HCN1: variants seen among roughly 807,000 people sequenced by gnomAD.
HCN1 encodes the protein potassium/sodium hyperpolarization-activated cyclic nucleotide-gated channel 1.
HCN1 carries 13 observed loss-of-function variants against 78.9 expected under a neutral mutation model. The observed-to-expected ratio is 0.16, with a 90% CI of 0.11 to 0.26. The LOEUF is 0.26. Among genes scored for constraint, HCN1 ranks in the 10% least tolerant of loss-of-function variants. The pLI, the probability that HCN1 is intolerant of heterozygous loss-of-function variation, is 1.00. For missense variants in HCN1, 810 were observed against 1,154.3 expected, an observed-to-expected ratio of 0.70 and a Z score of 4.32; for synonymous variants, 552 against 455.5, an observed-to-expected ratio of 1.21 and a Z score of -2.70.
At chr5:45,577,082 A>G (rs1743962433) in intron 2 of HCN1, among the ~76,000 whole-genome samples, 1 of 152,062 alleles carries the variant, frequency 6.6e-6, no homozygotes, top group Non-Finnish European at 1.5e-5. Flanking sequence ...GGAGTTAGCT[A>G]TTTGCTAACA....
intron 2 of HCN1, among the ~76,000 whole-genome samples, chr5:45,503,692 G>A (rs192661464): frequency 4.7e-4 from 72 of 151,824 alleles, no homozygotes; most frequent in Non-Finnish European, 9.1e-4. Context: ...ATAACCATAT[G>A]GGGCGGTGAG....
intron 3 of HCN1, among the ~76,000 whole-genome samples, chr5:45,461,343 A>C (rs1203987581): frequency 6.6e-6 from 1 of 152,054 alleles, no homozygotes; most frequent in Non-Finnish European, 1.5e-5. Flanking sequence ...CTTTTCCCCG[A>C]AGTTTTCCTT....
chr5:45,316,334 G>T (rs1397545609), intron 5 of HCN1, among the ~76,000 whole-genome samples: 1 of 152,140 alleles, frequency 6.6e-6, no homozygotes, highest in Non-Finnish European at 1.5e-5. Flanking sequence ...CTCAATAGAT[G>T]CAGAAAAGGC....
chr5:45,584,046 C>T (rs542562249), intron 2 of HCN1, among the ~76,000 whole-genome samples: 1,985 of 151,706 alleles, frequency 0.013, 31 homozygotes, highest in African/African-American at 0.032. Context: ...CTATTAGGTC[C>T]GCTTGCTGCA....
intron 4 of HCN1, among the ~76,000 whole-genome samples, chr5:45,371,528 GTGGA>G: frequency 6.6e-6 from 1 of 151,730 alleles, no homozygotes; most frequent in African/African-American, 2.4e-5. Flanking sequence ...GGAAGCCGAG[GTGGA>G]CAGATCACGA....
intron 4 of HCN1, among the ~76,000 whole-genome samples, chr5:45,364,442 A>G (rs192325427): frequency 6.6e-6 from 1 of 151,782 alleles, no homozygotes; most frequent in Non-Finnish European, 1.5e-5. Flanking sequence ...CTTCAAGTCA[A>G]TGGTCCAGCA....
intron 1 of HCN1, among the ~76,000 whole-genome samples, chr5:45,666,689 T>C (rs550962809): frequency 1.1e-4 from 16 of 152,076 alleles, no homozygotes; most frequent in Non-Finnish European, 1.0e-4. Flanking sequence ...CATCTATCTC[T>C]ACTTCCCATT....
At chr5:45,605,084 G>A (rs1313576029) in intron 2 of HCN1, among the ~76,000 whole-genome samples, 2 of 151,912 alleles carry the variant, frequency 1.3e-5, no homozygotes, top group Non-Finnish European at 2.9e-5. Flanking sequence ...GAAGTATAAA[G>A]TCTTCCTGTT....
chr5:45,582,906 G>C (rs1247777331), intron 2 of HCN1, among the ~76,000 whole-genome samples: 1 of 152,058 alleles, frequency 6.6e-6, no homozygotes, highest in Non-Finnish European at 1.5e-5. Context: ...TTGATGTGCT[G>C]TTGGATTCAG....
At chr5:45,669,764 C>G (rs1032055772) in intron 1 of HCN1, among the ~76,000 whole-genome samples, 2 of 151,668 alleles carry the variant, frequency 1.3e-5, no homozygotes. Flanking sequence ...TGAGGTTGTA[C>G]TGAAGAACAA....
intron 2 of HCN1, among the ~76,000 whole-genome samples, chr5:45,614,089 A>G (rs983421022): frequency 2.6e-5 from 4 of 152,168 alleles, no homozygotes; most frequent in Non-Finnish European, 5.9e-5. Context: ...CTGTATGGCT[A>G]AGGCAGTTAG....
chr5:45,561,191 G>C (rs1743592668), intron 2 of HCN1, among the ~76,000 whole-genome samples: 1 of 152,030 alleles, frequency 6.6e-6, no homozygotes, highest in African/African-American at 2.4e-5. Flanking sequence ...AAGCTTTTAA[G>C]CTATGGTAAT....
intron 3 of HCN1, among the ~76,000 whole-genome samples, chr5:45,426,182 A>T (rs1051893738): frequency 1.3e-5 from 2 of 152,310 alleles, no homozygotes; most frequent in Admixed American, 6.5e-5. Flanking sequence ...TGTGATTCTT[A>T]CGTTGCAATA....
At chr5:45,391,189 G>A (rs2060312976) in intron 4 of HCN1, among the ~76,000 whole-genome samples, 1 of 152,144 alleles carries the variant, frequency 6.6e-6, no homozygotes, top group Non-Finnish European at 1.5e-5. Flanking sequence ...CAAGTGAAAT[G>A]CTTGATTGAA....
chr5:45,272,852 CA>C (rs1744985696), intron 6 of HCN1, among the ~76,000 whole-genome samples: 1 of 151,752 alleles, frequency 6.6e-6, no homozygotes, highest in Admixed American at 6.6e-5. Flanking sequence ...AAGTTAAATA[CA>C]AAATAAAATA....
At chr5:45,557,517 C>T (rs1743496262) in intron 2 of HCN1, among the ~76,000 whole-genome samples, 1 of 152,082 alleles carries the variant, frequency 6.6e-6, no homozygotes, top group Non-Finnish European at 1.5e-5. Context: ...TTTTATGGTG[C>T]ATGGCTTTAT....
At chr5:45,373,259 T>G (rs865957854) in intron 4 of HCN1, among the ~76,000 whole-genome samples, 62 of 119,366 alleles carry the variant, frequency 5.2e-4, no homozygotes, top group Middle Eastern at 0.013. Flanking sequence ...ATATTTTATA[T>G]TATATATTAT....
At chr5:45,317,657 C>T (rs1352241017) in intron 5 of HCN1, among the ~76,000 whole-genome samples, 15 of 151,462 alleles carry the variant, frequency 9.9e-5, no homozygotes, top group African/African-American at 3.2e-4. Flanking sequence ...ATTTTTGCAA[C>T]CTACTCATCT....
intron 2 of HCN1, among the ~76,000 whole-genome samples, chr5:45,509,830 C>T (rs572534441): frequency 6.6e-6 from 1 of 152,130 alleles, no homozygotes; most frequent in South Asian, 2.1e-4. Context: ...ATTCTTCAGG[C>T]CTCACATGGC....
Sources: gnomAD v4.1 joint callset for allele counts (sites outside exome capture counted in the v4.1 genomes callset) on GRCh38, gnomAD v4.1.1 for gene constraint, MANE v1.5 for transcripts, NCBI Gene and HGNC (gene_info 2026-07-23, HGNC 2026-07-21) for gene names.